GLG1: variants seen among roughly 807,000 people sequenced by gnomAD.
GLG1 encodes Golgi apparatus protein 1.
In GLG1, 38 loss-of-function variants were observed where a neutral mutation model predicts 160.5. That is an observed-to-expected ratio of 0.24 (90% CI 0.18 to 0.31). The LOEUF is 0.31. Ranked by LOEUF, GLG1 falls within the 10% of genes least tolerant of loss-of-function variation. GLG1 has a pLI of 1.00. For missense variants in GLG1, 1,373 were observed against 1,505.2 expected, an observed-to-expected ratio of 0.91 and a Z score of 1.45; for synonymous variants, 644 against 543.4, an observed-to-expected ratio of 1.19 and a Z score of -2.57.
intron 1 of GLG1, among the ~76,000 whole-genome samples, chr16:74,567,524 G>C (rs1306192452): frequency 4.7e-5 from 7 of 149,124 alleles, no homozygotes; most frequent in Admixed American, 1.3e-4. Flanking sequence ...TGCTTCCTGT[G>C]CTGAAACCTT....
At chr16:74,459,530 G>C in intron 23 of GLG1, 152 bp downstream of exon 23, 1 of 632,694 alleles carries the variant, frequency 1.6e-6, no homozygotes, top group Non-Finnish European at 2.8e-6. Flanking sequence ...TCAAATGAAA[G>C]TTTGGTAAGA....
At chr16:74,525,180 G>A (rs553238945) in intron 2 of GLG1, among the ~76,000 whole-genome samples, 2 of 152,164 alleles carry the variant, frequency 1.3e-5, no homozygotes, top group Non-Finnish European at 2.9e-5. Context: ...GAACTCATGG[G>A]TCATATAGTA....
At chr16:74,457,184 C>T (rs1368030193) in intron 24 of GLG1, among the ~76,000 whole-genome samples, 1 of 152,148 alleles carries the variant, frequency 6.6e-6, no homozygotes, top group Non-Finnish European at 1.5e-5. Context: ...CACTTGAAGT[C>T]AGGAGTTTGA....
chr16:74,522,786 C>A lies in GLG1; in HGVS notation c.471+9335G>T, dbSNP rs186756224. Among the ~76,000 whole-genome samples the A allele has an allele frequency of 1.3e-4, 20 of 152,254 alleles. No individual in the cohort carries two copies. In the East Asian group the frequency reaches 3.1e-3, roughly 24 times the overall value. ...GCAGCCTGAAGCTCCTGGGCTCAAG[C>A]GATCCTCTCGCCTCAGTCTCCAAAG... On this transcript the variant is annotated intron_variant, in intron 2 of 25. Coordinates refer to ENST00000422840, the MANE Select transcript of GLG1 (RefSeq NM_001145667.2).
chr16:74,500,434 A>T (rs1294587493), intron 4 of GLG1, among the ~76,000 whole-genome samples: 1 of 151,730 alleles, frequency 6.6e-6, no homozygotes, highest in Non-Finnish European at 1.5e-5. Context: ...TTTCTTCCCC[A>T]TATTCCGTGT....
At chr16:74,499,883 G>T (rs919178713) in intron 4 of GLG1, among the ~76,000 whole-genome samples, 1 of 152,114 alleles carries the variant, frequency 6.6e-6, no homozygotes, top group African/African-American at 2.4e-5. Flanking sequence ...GGCACCTGTA[G>T]TCCCAGCCAC....
At chr16:74,595,534 C>A (rs930032245) in intron 1 of GLG1, among the ~76,000 whole-genome samples, 1 of 152,180 alleles carries the variant, frequency 6.6e-6, no homozygotes, top group African/African-American at 2.4e-5. Context: ...AAGACTCCGT[C>A]TCAAAAAAGA....
intron 24 of GLG1, 30 bp downstream of exon 24, chr16:74,457,844 A>T: frequency 6.2e-7 from 1 of 1,609,190 alleles, no homozygotes; most frequent in Non-Finnish European, 8.5e-7. Flanking sequence ...GAGAGTTCAG[A>T]CAGGATCAAG....
chr16:74,498,451 T>A (rs60042118), intron 4 of GLG1, among the ~76,000 whole-genome samples: 1 of 85,572 alleles, frequency 1.2e-5, no homozygotes, highest in African/African-American at 4.8e-5. Flanking sequence ...AAAAAAAGTA[T>A]ATATATATAT....
intron 1 of GLG1, among the ~76,000 whole-genome samples, chr16:74,569,024 T>C (rs1424039953): frequency 2.0e-5 from 3 of 152,112 alleles, no homozygotes; most frequent in Middle Eastern, 3.2e-3. Flanking sequence ...GCTAAACCCA[T>C]CAAAATGACT....
intron 1 of GLG1, among the ~76,000 whole-genome samples, chr16:74,587,197 G>C (rs1958074379): frequency 1.3e-5 from 2 of 152,264 alleles, no homozygotes; most frequent in Middle Eastern, 3.4e-3. Context: ...CATTAACTAT[G>C]ATCCCTGAGA....
chr16:74,467,069 C>G, intron 18 of GLG1, among the ~76,000 whole-genome samples: 1 of 152,194 alleles, frequency 6.6e-6, no homozygotes, highest in East Asian at 1.9e-4. Flanking sequence ...CACACTGAAA[C>G]TACAGATCAT....
At position 74,551,613 on chromosome 16, in the gene GLG1, T is replaced by C. The variant is rs539086913; in HGVS notation, c.439-19460A>G. Among the ~76,000 whole-genome samples the C allele has an allele frequency of 3.5e-5, 5 of 142,410 alleles. No homozygotes were observed. The East Asian group carries it at 8.3e-4, about 24-fold the overall frequency. 93.4% of individuals were successfully genotyped at this position (142,410 alleles called of 152,430 possible). On this transcript the variant is annotated intron_variant, in intron 1 of 25. Coordinates refer to ENST00000422840, the MANE Select transcript of GLG1 (RefSeq NM_001145667.2). ...AATGAGCCACCATGCCCAGCCCTTATTTTTTTTTTTTTAAATAAAAGAAAA... is the reference window on the plus strand; with the variant it reads ...AATGAGCCACCATGCCCAGCCCTTACTTTTTTTTTTTTAAATAAAAGAAAA...
chr16:74,552,277 T>G, intron 1 of GLG1: 4 of 576,186 alleles, frequency 6.9e-6, no homozygotes, highest in Non-Finnish European at 6.7e-6. Flanking sequence ...AGAACGGGAT[T>G]GCCATCTATG....
intron 2 of GLG1, among the ~76,000 whole-genome samples, chr16:74,527,828 G>C (rs780020508): frequency 6.6e-6 from 1 of 151,710 alleles, no homozygotes; most frequent in Non-Finnish European, 1.5e-5. Flanking sequence ...CCCAGTTCAA[G>C]TGATTCTTAT....
chr16:74,531,044 A>G (rs116955947), intron 2 of GLG1, among the ~76,000 whole-genome samples: 2,813 of 152,314 alleles, frequency 0.018, 34 homozygotes, highest in Non-Finnish European at 0.027. Context: ...AAAACTTTCA[A>G]TGTAATCAGA....
intron 3 of GLG1, among the ~76,000 whole-genome samples, chr16:74,506,603 A>AAAAAAAAT (rs2016618594): frequency 6.7e-6 from 1 of 149,446 alleles, no homozygotes; most frequent in African/African-American, 2.5e-5. Context: ...AAAAAAAAAA[A>AAAAAAAAT]ACTCAAGAGA....
chr16:74,463,587 T>A, intron 19 of GLG1, 108 bp from the exon 20 acceptor site: 1 of 1,061,576 alleles, frequency 9.4e-7, no homozygotes, highest in Non-Finnish European at 1.4e-6. Flanking sequence ...TCACCCAGGC[T>A]GGAGTGCAGT....
Position 74,482,859 on chromosome 16 carries a change from T to C in GLG1, c.1673+164A>G, listed in dbSNP as rs541892979. 2.6e-5 allele frequency among the ~76,000 whole-genome samples: 4 copies of C among 152,336 alleles called. No individual in the cohort carries two copies. The South Asian group carries it at 8.3e-4, about 32-fold the overall frequency. On this transcript the variant is annotated intron_variant, in intron 10 of 25. Coordinates refer to ENST00000422840, the MANE Select transcript of GLG1 (RefSeq NM_001145667.2). ...CTGACTCTGCTTTTAGATAATGTTC[T>C]GAAAGTGATAAAGAATAGTTTTTCA...
Sources: gnomAD v4.1 joint callset for allele counts (sites outside exome capture counted in the v4.1 genomes callset) on GRCh38, gnomAD v4.1.1 for gene constraint, MANE v1.5 for transcripts, NCBI Gene and HGNC (gene_info 2026-07-23, HGNC 2026-07-21) for gene names.